The following GBE1 variants were observed in gnomAD, a reference collection of about 807,000 sequenced individuals.
GBE1 encodes the protein 1,4-alpha-glucan-branching enzyme.
GBE1 carries 70 observed loss-of-function variants against 88.8 expected under a neutral mutation model. The observed-to-expected ratio is 0.79, with a 90% CI of 0.65 to 0.96. The LOEUF (loss-of-function observed/expected upper bound fraction) is 0.96. Among genes scored for constraint, GBE1 ranks in the 40% least tolerant of loss-of-function variants. GBE1 has a pLI of 0.00. For synonymous variants in GBE1, 284 were observed against 300.1 expected, an observed-to-expected ratio of 0.95 and a Z score of 0.56; for missense variants, 872 against 871.0, an observed-to-expected ratio of 1.00 and a Z score of -0.01.
chr3:81,566,569 A>G (rs180871528), intron 12 of GBE1, among the ~76,000 whole-genome samples: 2 of 152,294 alleles, frequency 1.3e-5, no homozygotes, highest in Admixed American at 1.3e-4. Flanking sequence ...CGAACATGCA[A>G]TATTACCTGG....
At chr3:81,691,668 A>G (rs1381744526) in intron 2 of GBE1, among the ~76,000 whole-genome samples, 3 of 151,978 alleles carry the variant, frequency 2.0e-5, no homozygotes, top group African/African-American at 7.3e-5. Flanking sequence ...AGTCTCAGCT[A>G]CTCTGGAAGC....
intron 1 of GBE1, among the ~76,000 whole-genome samples, chr3:81,754,690 A>G (rs1575779570): frequency 6.6e-6 from 1 of 152,168 alleles, no homozygotes; most frequent in Non-Finnish European, 1.5e-5. Flanking sequence ...CCACCAACTC[A>G]TCTTCAACAA....
At chr3:81,555,682 G>C (rs183467862) in intron 12 of GBE1, among the ~76,000 whole-genome samples, 1 of 152,232 alleles carries the variant, frequency 6.6e-6, no homozygotes, top group African/African-American at 2.4e-5. Context: ...CAGGTTTCCT[G>C]CTTCGAAGCC....
At chr3:81,659,470 G>C (rs1704992336) in intron 3 of GBE1, among the ~76,000 whole-genome samples, 1 of 151,252 alleles carries the variant, frequency 6.6e-6, no homozygotes, top group African/African-American at 2.4e-5. Flanking sequence ...CAAGTAGCTG[G>C]GACTACAGGT....
intron 1 of GBE1, among the ~76,000 whole-genome samples, chr3:81,710,771 G>C (rs1705854760): frequency 6.6e-6 from 1 of 152,004 alleles, no homozygotes; most frequent in South Asian, 2.1e-4. Flanking sequence ...TATTACACTT[G>C]CTTAGATTTT....
chr3:81,532,140 C>T (rs1342831206), intron 14 of GBE1, among the ~76,000 whole-genome samples: 1 of 151,714 alleles, frequency 6.6e-6, no homozygotes. Flanking sequence ...TCTTTCTTAC[C>T]CTCTTCTGTG....
chr3:81,752,080 T>C (rs1019101800), intron 1 of GBE1, among the ~76,000 whole-genome samples: 4 of 152,232 alleles, frequency 2.6e-5, no homozygotes, highest in African/African-American at 9.6e-5. Context: ...TCATTAAAAT[T>C]AATCATTCAA....
At chr3:81,495,390 CA>C (rs1024210348) in intron 15 of GBE1, among the ~76,000 whole-genome samples, 2 of 151,812 alleles carry the variant, frequency 1.3e-5, no homozygotes, top group African/African-American at 4.8e-5. Context: ...CTCCGTCTCA[CA>C]AAAAACAAAC....
chr3:81,726,158 A>AT (rs2107197395), intron 1 of GBE1, among the ~76,000 whole-genome samples: 1 of 152,212 alleles, frequency 6.6e-6, no homozygotes, highest in South Asian at 2.1e-4. Flanking sequence ...TCATAAGATC[A>AT]TATTTCTCCT....
intron 10 of GBE1, 39 bp downstream of exon 10, chr3:81,586,053 G>GT: frequency 9.0e-7 from 1 of 1,112,236 alleles, no homozygotes; most frequent in South Asian, 1.4e-5. Flanking sequence ...AAGCAACACA[G>GT]TATTCACAGA....
chr3:81,490,186 T>C lies in GBE1; in HGVS notation c.*221A>G, dbSNP rs1702418258. ...TGAGAATCCTAGCTGCTAAGATGAC[T>C]TGAAAATATGGTCTAGGATTCCTAA... On this transcript the variant is annotated 3_prime_UTR_variant, in exon 16 of 16. Coordinates refer to ENST00000429644, the MANE Select transcript of GBE1 (RefSeq NM_000158.4). The C allele has an allele frequency of 1.9e-6, 1 of 517,064 alleles. No individual in the cohort carries two copies. The highest frequency in any genetic ancestry group is 3.4e-6 in the Non-Finnish European group (1 of 296,734). 32.0% of individuals were successfully genotyped at this position (517,064 alleles called of 1,614,324 possible).
At chr3:81,523,779 C>A (rs1702904454) in intron 14 of GBE1, among the ~76,000 whole-genome samples, 1 of 151,708 alleles carries the variant, frequency 6.6e-6, no homozygotes, top group Non-Finnish European at 1.5e-5. Context: ...GCTTATTTCA[C>A]TGAACATAAT....
At chr3:81,532,101 G>A (rs1202898307) in intron 14 of GBE1, among the ~76,000 whole-genome samples, 1 of 151,842 alleles carries the variant, frequency 6.6e-6, no homozygotes, top group Non-Finnish European at 1.5e-5. Context: ...AAGGGGTGGG[G>A]GAGGGTTGGT....
At chr3:81,761,324 C>T (rs1706682294) in intron 1 of GBE1, 51 bp downstream of exon 1, 2 of 1,565,440 alleles carry the variant, frequency 1.3e-6, no homozygotes, top group Admixed American at 1.7e-5. Flanking sequence ...GAGACGGCTC[C>T]TGGGAGGCGG....
chr3:81,712,183 A>G (rs1705877268), intron 1 of GBE1, among the ~76,000 whole-genome samples: 1 of 152,198 alleles, frequency 6.6e-6, no homozygotes, highest in African/African-American at 2.4e-5. Flanking sequence ...GAGAAATAGG[A>G]ACACTTTTAC....
At chr3:81,620,679 G>A (rs1704316329) in intron 7 of GBE1, among the ~76,000 whole-genome samples, 1 of 152,022 alleles carries the variant, frequency 6.6e-6, no homozygotes, top group Admixed American at 6.6e-5. Flanking sequence ...TTTATTTTGG[G>A]AAGTGTAATT....
intron 12 of GBE1, among the ~76,000 whole-genome samples, chr3:81,574,188 TA>T (rs1290254562): frequency 2.0e-5 from 3 of 152,334 alleles, no homozygotes; most frequent in Non-Finnish European, 4.4e-5. Flanking sequence ...TCTTTTATTT[TA>T]AACAATGTAC....
At chr3:81,675,799 G>C (rs867390096) in intron 2 of GBE1, among the ~76,000 whole-genome samples, 1 of 151,814 alleles carries the variant, frequency 6.6e-6, no homozygotes, top group Admixed American at 6.6e-5. Context: ...TTTCCTATAC[G>C]CATAAATTAT....
At chr3:81,715,087 A>T (rs929822072) in intron 1 of GBE1, among the ~76,000 whole-genome samples, 3 of 152,212 alleles carry the variant, frequency 2.0e-5, no homozygotes, top group Non-Finnish European at 4.4e-5. Flanking sequence ...GTAGAAGAAT[A>T]AAGGCTCCAA....
Sources: gnomAD v4.1 joint callset for allele counts (sites outside exome capture counted in the v4.1 genomes callset) on GRCh38, gnomAD v4.1.1 for gene constraint, MANE v1.5 for transcripts, NCBI Gene and HGNC (gene_info 2026-07-23, HGNC 2026-07-21) for gene names.